COL13A1: variants seen among roughly 807,000 people sequenced by gnomAD.
COL13A1 encodes collagen alpha-1(XIII) chain.
COL13A1 carries 89 observed loss-of-function variants against 130.9 expected under a neutral mutation model. That is an observed-to-expected ratio of 0.68 (90% CI 0.57 to 0.81). The LOEUF is 0.81. Among genes scored for constraint, COL13A1 ranks in the 30% least tolerant of loss-of-function variants. The pLI, the probability that COL13A1 is intolerant of heterozygous loss-of-function variation, is 0.00. For missense variants in COL13A1, 879 were observed against 934.6 expected, an observed-to-expected ratio of 0.94 and a Z score of 0.78; for synonymous variants, 402 against 341.6, an observed-to-expected ratio of 1.18 and a Z score of -1.95.
chr10:69,804,154 C>A (rs1203483229), intron 1 of COL13A1, among the ~76,000 whole-genome samples: 2 of 151,954 alleles, frequency 1.3e-5, no homozygotes, highest in African/African-American at 4.8e-5. Context: ...TGCAGCATCT[C>A]TGGGCTCAGG....
chr10:69,862,422 G>C (rs1858399133), intron 2 of COL13A1, among the ~76,000 whole-genome samples: 1 of 152,146 alleles, frequency 6.6e-6, no homozygotes. Context: ...TCTGCCTCAG[G>C]CTTCCCTAGA....
At chr10:69,957,467 G>C (rs2070982248) in intron 40 of COL13A1, among the ~76,000 whole-genome samples, 1 of 152,114 alleles carries the variant, frequency 6.6e-6, no homozygotes, top group African/African-American at 2.4e-5. Flanking sequence ...CCTCCCCTAG[G>C]GGCTGTGCTC....
intron 2 of COL13A1, among the ~76,000 whole-genome samples, chr10:69,861,525 G>C (rs1446510774): frequency 1.3e-5 from 2 of 152,072 alleles, no homozygotes; most frequent in African/African-American, 4.8e-5. Context: ...GATGTGTCTG[G>C]GGAGTCCAGG....
intron 33 of COL13A1, among the ~76,000 whole-genome samples, chr10:69,937,280 C>T (rs2067057844): frequency 6.6e-6 from 1 of 152,228 alleles, no homozygotes; most frequent in South Asian, 2.1e-4. Context: ...CCCGACTAGG[C>T]TGTGAGCCTC....
intron 2 of COL13A1, among the ~76,000 whole-genome samples, chr10:69,840,120 C>A (rs1245706757): frequency 6.6e-6 from 1 of 152,138 alleles, no homozygotes; most frequent in Non-Finnish European, 1.5e-5. Context: ...TGCTGATGGG[C>A]TGGCTGTCGG....
At chr10:69,932,462 A>T in intron 30 of COL13A1, 98 bp from the exon 31 acceptor site, 1 of 809,492 alleles carries the variant, frequency 1.2e-6, no homozygotes, top group Non-Finnish European at 2.1e-6. Context: ...CCCCTAGACC[A>T]GTCACGTCCC....
chr10:69,821,672 C>T (rs1431304959), intron 1 of COL13A1, among the ~76,000 whole-genome samples: 2 of 152,192 alleles, frequency 1.3e-5, no homozygotes, highest in African/African-American at 2.4e-5. Flanking sequence ...CCTTATGAGA[C>T]CCTTGTCACA....
At chr10:69,849,630 A>G (rs1437849475) in intron 2 of COL13A1, among the ~76,000 whole-genome samples, 1 of 152,142 alleles carries the variant, frequency 6.6e-6, no homozygotes, top group Non-Finnish European at 1.5e-5. Context: ...AACTGTGTGT[A>G]GCCTTCTGTT....
At chr10:69,887,520 G>A in intron 8 of COL13A1, 29 bp downstream of exon 8, 1 of 1,612,722 alleles carries the variant, frequency 6.2e-7, no homozygotes, top group Non-Finnish European at 8.5e-7. Context: ...AGTTAGCTGT[G>A]TCCCAGGTGG....
chr10:69,936,903 C>A, intron 33 of COL13A1, 121 bp downstream of exon 33: 1 of 1,120,718 alleles, frequency 8.9e-7, no homozygotes, highest in Non-Finnish European at 1.3e-6. Flanking sequence ...CCAAGGGGGT[C>A]CAGTCAGGGC....
intron 2 of COL13A1, among the ~76,000 whole-genome samples, chr10:69,825,684 G>A (rs1847305379): frequency 6.6e-6 from 1 of 152,230 alleles, no homozygotes; most frequent in African/African-American, 2.4e-5. Context: ...TGGCCAGCTA[G>A]GCCAAGCCGG....
At chr10:69,811,979 G>T (rs960212386) in intron 1 of COL13A1, among the ~76,000 whole-genome samples, 1 of 151,878 alleles carries the variant, frequency 6.6e-6, no homozygotes, top group Non-Finnish European at 1.5e-5. Context: ...CTCCATCCCT[G>T]CCTGCCCTCC....
intron 4 of COL13A1, among the ~76,000 whole-genome samples, chr10:69,873,114 G>A (rs941355657): frequency 3.9e-4 from 59 of 152,260 alleles, no homozygotes; most frequent in African/African-American, 1.4e-3. Flanking sequence ...GCCGGAATCG[G>A]GTATGGAGAG....
chr10:69,875,869 T>C (rs2059522745), intron 5 of COL13A1, among the ~76,000 whole-genome samples: 2 of 152,206 alleles, frequency 1.3e-5, no homozygotes, highest in African/African-American at 4.8e-5. Context: ...GCTAGGACAG[T>C]GGCCTCAGCC....
chr10:69,844,183 C>T (rs1490487231), intron 2 of COL13A1, among the ~76,000 whole-genome samples: 1 of 152,192 alleles, frequency 6.6e-6, no homozygotes, highest in Non-Finnish European at 1.5e-5. Context: ...AAGGGAACAG[C>T]ATGGGCTGTC....
intron 38 of COL13A1, among the ~76,000 whole-genome samples, chr10:69,951,743 C>T (rs2069599342): frequency 6.6e-6 from 1 of 152,174 alleles, no homozygotes; most frequent in Non-Finnish European, 1.5e-5. Flanking sequence ...AGTAACTTCA[C>T]AAAGTCACGC....
intron 5 of COL13A1, among the ~76,000 whole-genome samples, chr10:69,876,718 G>A (rs1308687609): frequency 2.0e-5 from 3 of 152,200 alleles, no homozygotes; most frequent in Non-Finnish European, 4.4e-5. Flanking sequence ...CCAGTCACCT[G>A]CGTCACCATA....
chr10:69,919,104 G>A lies in COL13A1; in HGVS notation c.1026+16G>A. The A allele has an allele frequency of 6.2e-7, 1 of 1,614,032 alleles. No individual in the cohort carries two copies. Among genetic ancestry groups the A allele is most frequent in the Non-Finnish European group, 8.5e-7 (1 of 1,179,872 alleles). On this transcript the variant is annotated intron_variant, in intron 20 of 40. Transcript: ENST00000645393. Reference sequence around the variant, plus strand: ...AGGAACCAAGGTACTGATGCAGAGAGAATGTTCCGGGCTGCACAGAGCATC... The same window carrying A: ...AGGAACCAAGGTACTGATGCAGAGAAAATGTTCCGGGCTGCACAGAGCATC...
At chr10:69,903,343 C>T (rs548853381) in intron 15 of COL13A1, among the ~76,000 whole-genome samples, 10 of 152,344 alleles carry the variant, frequency 6.6e-5, no homozygotes, top group African/African-American at 2.2e-4. Flanking sequence ...AAGAGCCCTG[C>T]GCCAAGCCTG....
Sources: allele counts gnomAD v4.1 joint callset (sites outside exome capture counted in the v4.1 genomes callset), GRCh38; gene constraint gnomAD v4.1.1; transcripts MANE v1.5; gene names NCBI Gene and HGNC (gene_info 2026-07-23, HGNC 2026-07-21).